Variants in RGS7 observed in about 807,000 individuals in gnomAD.
RGS7 encodes regulator of G protein signaling 7, also known as regulator of G-protein signaling 7.
A neutral mutation model predicts 81.1 loss-of-function variants in RGS7; 27 were observed. The observed-to-expected ratio is 0.33, with a 90% CI of 0.25 to 0.46. RGS7 has a LOEUF of 0.46. Ranked by LOEUF, RGS7 falls within the 20% of genes least tolerant of loss-of-function variation. The pLI, the probability that RGS7 is intolerant of heterozygous loss-of-function variation, is 1.00. For missense variants in RGS7, 396 were observed against 607.4 expected, an observed-to-expected ratio of 0.65 and a Z score of 3.66; for synonymous variants, 208 against 207.7, an observed-to-expected ratio of 1.00 and a Z score of -0.01.
At chr1:241,046,068 T>A (rs2060908101) in intron 3 of RGS7, among the ~76,000 whole-genome samples, 1 of 152,164 alleles carries the variant, frequency 6.6e-6, no homozygotes, top group African/African-American at 2.4e-5. Flanking sequence ...TTTATGAGTT[T>A]AGGGTTTTTT....
intron 9 of RGS7, among the ~76,000 whole-genome samples, chr1:240,844,396 T>A (rs1320718769): frequency 2.0e-5 from 3 of 152,196 alleles, no homozygotes; most frequent in African/African-American, 7.2e-5. Flanking sequence ...TCTTAAGACC[T>A]TCCTGCTATC....
intron 2 of RGS7, among the ~76,000 whole-genome samples, chr1:241,154,475 A>G (rs2068971383): frequency 6.6e-6 from 1 of 152,204 alleles, no homozygotes; most frequent in African/African-American, 2.4e-5. Flanking sequence ...GAGGACCCCA[A>G]TGTCCAAGGT....
intron 4 of RGS7, among the ~76,000 whole-genome samples, chr1:240,947,533 C>T (rs1013741790): frequency 2.6e-5 from 4 of 152,120 alleles, no homozygotes; most frequent in Non-Finnish European, 4.4e-5. Context: ...TCCCATTCAC[C>T]GACTCCAGTC....
At position 241,327,130 on chromosome 1, in the gene RGS7, GAAAGAAAGAAA is replaced by G. The variant is rs1280892542; in HGVS notation, c.78+28558_78+28568del. Reference sequence around the variant, plus strand: ...AGAAAGAAAGAAAGAAAGAAAGAAAGAAAGAAAGAAAGAAAGGAAAGAAAGAAAGAAAGAAA... The same window carrying G: ...AGAAAGAAAGAAAGAAAGAAAGAAAGGAAAGGAAAGAAAGAAAGAAAGAAA... On this transcript the variant is annotated intron_variant, in intron 2 of 18. Transcript: ENST00000440928. Among the ~76,000 whole-genome samples the G allele has an allele frequency of 4.9e-5, 5 of 101,942 alleles. No homozygotes were observed. The East Asian group carries it at 1.3e-3, about 26-fold the overall frequency. 66.9% of individuals were successfully genotyped at this position (101,942 alleles called of 152,430 possible).
chr1:241,087,972 CTCTCTATA>C (rs1185020332), intron 3 of RGS7, among the ~76,000 whole-genome samples: 2,112 of 90,536 alleles, frequency 0.023, 25 homozygotes, highest in Middle Eastern at 0.036. Flanking sequence ...CTCTCTCTCT[CTCTCTATA>C]TATATATATA....
intron 13 of RGS7, among the ~76,000 whole-genome samples, chr1:240,812,414 C>A (rs1235749447): frequency 6.6e-6 from 1 of 150,690 alleles, no homozygotes; most frequent in Non-Finnish European, 1.5e-5. Context: ...GATATTCTGA[C>A]CCCAGTGCCA....
chr1:241,039,311 AGGGTAACTAACT>A (rs1166572074), intron 3 of RGS7, among the ~76,000 whole-genome samples: 1 of 152,062 alleles, frequency 6.6e-6, no homozygotes, highest in Non-Finnish European at 1.5e-5. Context: ...TTGTGAGGAG[AGGGTAACTAACT>A]GGTCCTTCTG....
chr1:240,926,968 G>C (rs182820769), intron 6 of RGS7, among the ~76,000 whole-genome samples: 18 of 152,252 alleles, frequency 1.2e-4, no homozygotes, highest in African/African-American at 4.3e-4. Flanking sequence ...GATCTATTGA[G>C]GCTTATGTTC....
At chr1:241,294,364 A>G (rs1176537706) in intron 2 of RGS7, among the ~76,000 whole-genome samples, 1 of 152,128 alleles carries the variant, frequency 6.6e-6, no homozygotes, top group African/African-American at 2.4e-5. Flanking sequence ...GGTGCAGCAA[A>G]CCACCATGGC....
intron 2 of RGS7, among the ~76,000 whole-genome samples, chr1:241,240,747 T>A (rs1179173845): frequency 1.3e-5 from 2 of 152,218 alleles, no homozygotes; most frequent in Non-Finnish European, 2.9e-5. Flanking sequence ...GCAATTAAAC[T>A]ACAGTGTTTT....
intron 2 of RGS7, among the ~76,000 whole-genome samples, chr1:241,142,131 G>A (rs2067965877): frequency 6.6e-6 from 1 of 152,148 alleles, no homozygotes. Context: ...CATGGTCTTG[G>A]GCAGCTCCAC....
intron 2 of RGS7, among the ~76,000 whole-genome samples, chr1:241,159,334 C>T (rs192578053): frequency 8.7e-4 from 133 of 152,274 alleles, no homozygotes; most frequent in African/African-American, 3.0e-3. Context: ...TCCTCCTAAT[C>T]GCCATGTTTT....
At chr1:240,956,735 C>T (rs868799380) in intron 4 of RGS7, among the ~76,000 whole-genome samples, 6 of 152,152 alleles carry the variant, frequency 3.9e-5, no homozygotes, top group Middle Eastern at 3.4e-3. Flanking sequence ...TTACATGACA[C>T]TCTGAAAAAG....
downstream of RGS7, among the ~76,000 whole-genome samples, chr1:240,775,115 A>G (rs1558229215): frequency 1.3e-5 from 2 of 152,222 alleles, no homozygotes; most frequent in Non-Finnish European, 2.9e-5. Context: ...AAAAGTTAAG[A>G]GACACTGAGC....
At chr1:240,863,016 A>G (rs1182074582) in intron 9 of RGS7, among the ~76,000 whole-genome samples, 2 of 151,736 alleles carry the variant, frequency 1.3e-5, no homozygotes, top group African/African-American at 4.8e-5. Flanking sequence ...GTGCAGTGGC[A>G]TGATATAGCT....
chr1:241,228,249 G>A (rs2075440327), intron 2 of RGS7, among the ~76,000 whole-genome samples: 1 of 152,142 alleles, frequency 6.6e-6, no homozygotes, highest in Non-Finnish European at 1.5e-5. Context: ...ACGTGAATGA[G>A]GAAATCATTG....
intron 9 of RGS7, among the ~76,000 whole-genome samples, chr1:240,854,188 C>T (rs1292902997): frequency 6.6e-6 from 1 of 152,112 alleles, no homozygotes. Context: ...GAGAATCAGG[C>T]ATTAATTGCA....
At chr1:240,818,408 T>G (rs748410317) in intron 10 of RGS7, among the ~76,000 whole-genome samples, 1 of 152,110 alleles carries the variant, frequency 6.6e-6, no homozygotes, top group Non-Finnish European at 1.5e-5. Context: ...AAGGGAGCAG[T>G]ATTATGAAAC....
intron 2 of RGS7, among the ~76,000 whole-genome samples, chr1:241,139,753 GTTCATCGTCTT>G (rs967500647): frequency 6.6e-6 from 1 of 152,152 alleles, no homozygotes; most frequent in East Asian, 1.9e-4. Context: ...AACGACTGAT[GTTCATCGTCTT>G]TTCATGCATT....
Sources: gnomAD v4.1 joint callset for allele counts (sites outside exome capture counted in the v4.1 genomes callset) on GRCh38, gnomAD v4.1.1 for gene constraint, MANE v1.5 for transcripts, NCBI Gene and HGNC (gene_info 2026-07-23, HGNC 2026-07-21) for gene names.